LRRC1: variants seen among roughly 807,000 people sequenced by gnomAD.
LRRC1 encodes leucine rich repeat containing 1.
Under a neutral mutation model 69.9 loss-of-function variants are expected in LRRC1, and 28 were observed. The ratio of observed to expected loss-of-function variants is 0.40; its 90% confidence interval spans 0.30 to 0.55. The LOEUF is 0.55. Among genes scored for constraint, LRRC1 ranks in the 20% least tolerant of loss-of-function variants. The pLI, the probability that LRRC1 is intolerant of heterozygous loss-of-function variation, is 0.47. For missense variants in LRRC1, 498 were observed against 609.0 expected (o/e 0.82, Z 1.92); for synonymous variants, 236 against 240.2 (o/e 0.98, Z 0.16).
At chr6:53,847,527 T>G in intron 2 of LRRC1, among the ~76,000 whole-genome samples, 1 of 152,238 alleles carries the variant, frequency 6.6e-6, no homozygotes, top group African/African-American at 2.4e-5. Context: ...TTTCATCAAC[T>G]TGAGTTAACA....
chr6:53,873,273 A>T (rs1766954439), intron 2 of LRRC1, among the ~76,000 whole-genome samples: 1 of 148,730 alleles, frequency 6.7e-6, no homozygotes, highest in Non-Finnish European at 1.5e-5. Context: ...GGTGTATAGA[A>T]GTGCTACCGA....
At chr6:53,898,658 A>T (rs1024900356) in intron 7 of LRRC1, among the ~76,000 whole-genome samples, 2 of 152,220 alleles carry the variant, frequency 1.3e-5, no homozygotes, top group African/African-American at 2.4e-5. Flanking sequence ...TTCAATGATG[A>T]TGGAAAGAGA....
intron 2 of LRRC1, among the ~76,000 whole-genome samples, chr6:53,855,416 C>A (rs1215463608): frequency 6.6e-6 from 1 of 152,202 alleles, no homozygotes; most frequent in Admixed American, 6.5e-5. Flanking sequence ...GTGCCAGTAA[C>A]TCAACACAGG....
intron 4 of LRRC1, among the ~76,000 whole-genome samples, chr6:53,892,389 G>A (rs1581904106): frequency 6.6e-6 from 1 of 152,080 alleles, no homozygotes; most frequent in Non-Finnish European, 1.5e-5. Context: ...ATTCTTTCTC[G>A]TATCTCTGTA....
chr6:53,827,558 A>G (rs1190674649), intron 1 of LRRC1, among the ~76,000 whole-genome samples: 1 of 152,196 alleles, frequency 6.6e-6, no homozygotes, highest in Non-Finnish European at 1.5e-5. Flanking sequence ...TTGAGGATGA[A>G]TAAAATGCTG....
rs1562064578 is a variant in LRRC1, at chr6:53,896,484, CT to C, written c.447-13del. 3.7e-6 allele frequency: 6 copies of C among 1,608,256 alleles called. No homozygotes were observed. Among genetic ancestry groups the C allele is most frequent in the Non-Finnish European group, 5.1e-6 (6 of 1,175,882 alleles). ...ATTTCTCTTATGCTTTTTTTTCCTT[CT>C]GTTCATTTCTAGTCTTTATAACCTG... is the stretch of plus-strand genomic sequence containing the variant. On this transcript the variant is annotated splice_polypyrimidine_tract_variant and intron_variant, in intron 4 of 13. Coordinates refer to ENST00000370888, the MANE Select transcript of LRRC1 (RefSeq NM_018214.5).
At chr6:53,886,440 G>C (rs1767482601) in intron 4 of LRRC1, among the ~76,000 whole-genome samples, 1 of 152,146 alleles carries the variant, frequency 6.6e-6, no homozygotes, top group South Asian at 2.1e-4. Context: ...CAGTTATAAT[G>C]GTGGTGGGTT....
chr6:53,831,102 T>TATATTTAGAATATGTTAGA (rs539773827), intron 1 of LRRC1, among the ~76,000 whole-genome samples: 16 of 152,040 alleles, frequency 1.1e-4, no homozygotes, highest in African/African-American at 3.9e-4. Context: ...TTAGCTTATG[T>TATATTTAGAATATGTTAGA]ATATTTAGAA....
chr6:53,795,065 G>A lies in LRRC1; in HGVS notation c.-192G>A, dbSNP rs1373223627. On this transcript the variant is annotated 5_prime_UTR_variant, in exon 1 of 14. Transcript: ENST00000370888. ...GGCTGGCGGGCGGGGGTACAGGGAC[G>A]GGGCAGGGGCTCCCGCTCCAGGTTC... The A allele has an allele frequency of 6.8e-5, 33 of 483,236 alleles. No individual in the cohort carries two copies. The highest frequency in any genetic ancestry group is 9.7e-5 in the Non-Finnish European group (27 of 279,086). The allele number at this position is 483,236 out of a possible 1,614,324, so 29.9% of individuals were successfully genotyped here. A position where few individuals can be genotyped will look rare whatever the true frequency, so the allele number is the denominator to read the frequency against.
intron 2 of LRRC1, among the ~76,000 whole-genome samples, chr6:53,850,400 G>A (rs1051721021): frequency 7.9e-5 from 12 of 152,310 alleles, no homozygotes; most frequent in East Asian, 7.7e-4. Context: ...GTCATTTGTC[G>A]TTTGTTAGAA....
At position 53,839,708 on chromosome 6, in the gene LRRC1, G is replaced by GT. The variant is rs1304981268; in HGVS notation, c.160-2398dup. ...CAATATTGACATAACATAAATTTTG[G>GT]TTTTACCAATATAGATATTATAATG... On this transcript the variant is annotated intron_variant, in intron 1 of 13. Coordinates refer to ENST00000370888, the MANE Select transcript of LRRC1 (RefSeq NM_018214.5). Among the ~76,000 whole-genome samples, 3 of 152,048 alleles carry GT rather than the reference G, an allele frequency of 2.0e-5. No homozygotes were observed. The East Asian group carries it at 5.8e-4, about 29-fold the overall frequency.
chr6:53,896,753 G>A, intron 5 of LRRC1, 76 bp from the exon 6 acceptor site: 1 of 1,021,118 alleles, frequency 9.8e-7, no homozygotes, highest in Non-Finnish European at 1.5e-6. Flanking sequence ...TTTGAAGCTA[G>A]TCCAAGTGAG....
chr6:53,842,259 G>C, intron 2 of LRRC1, 32 bp downstream of exon 2: 1 of 1,470,866 alleles, frequency 6.8e-7, no homozygotes, highest in Non-Finnish European at 9.5e-7. Flanking sequence ...TTGCCTATTT[G>C]TCTCTTCAGA....
At chr6:53,862,942 G>A (rs1460496126) in intron 2 of LRRC1, among the ~76,000 whole-genome samples, 1 of 152,198 alleles carries the variant, frequency 6.6e-6, no homozygotes, top group Non-Finnish European at 1.5e-5. Context: ...GCAGGATTGA[G>A]TCAGGCAGCC....
rs1284189914 is a variant in LRRC1 at position 53,849,141 on chromosome 6, T to C, written c.277+6914T>C. Among the ~76,000 whole-genome samples, 5 of 151,900 alleles carry C rather than the reference T, an allele frequency of 3.3e-5. No individual in the cohort carries two copies. The East Asian group carries it at 9.6e-4, about 29-fold the overall frequency. On this transcript the variant is annotated intron_variant, in intron 2 of 13. Transcript: ENST00000370888. ...GAACAACACCTTTGAATATGTTTTT[T>C]AAGTCAACAAGTTCTTCATTCAGTT...
intron 2 of LRRC1, among the ~76,000 whole-genome samples, chr6:53,867,274 C>G (rs929584782): frequency 6.6e-6 from 1 of 152,078 alleles, no homozygotes; most frequent in Non-Finnish European, 1.5e-5. Context: ...CAGTAAAGTT[C>G]TGCCGCTGCA....
chr6:53,870,117 G>T (rs1052650110), intron 2 of LRRC1, among the ~76,000 whole-genome samples: 1 of 152,130 alleles, frequency 6.6e-6, no homozygotes, highest in African/African-American at 2.4e-5. Context: ...CTGTAAACCG[G>T]ACCTCTAGGT....
Position 53,902,644 on chromosome 6 carries a change from T to A in LRRC1, c.803T>A (p.Leu268Gln). ...IPDGIGKLKK[L>Q]SILKVDQNRL... is the part of the protein sequence containing the mutation. ...GCTTTTACAGGAAAACTAAAGAAAC[T>A]GTCAATCTTGAAGGTGGATCAGAAT... The change falls in exon 9 of 14, where the codon CTG becomes CAG. Residue 268 changes from leucine (L) to glutamine (Q), a missense_variant. Around this residue, in one of 3 missense-constraint regions of LRRC1, gnomAD observed 266 missense variants for 383.9 expected, o/e 0.69. Coordinates refer to ENST00000370888, the MANE Select transcript of LRRC1 (RefSeq NM_018214.5). 6.3e-7 allele frequency: 1 copy of A among 1,593,282 alleles called. No homozygotes were observed. The highest frequency in any genetic ancestry group is 8.5e-7 in the Non-Finnish European group (1 of 1,171,180).
chr6:53,876,692 C>T (rs182367184), intron 2 of LRRC1, among the ~76,000 whole-genome samples: 1 of 152,298 alleles, frequency 6.6e-6, no homozygotes, highest in East Asian at 1.9e-4. Flanking sequence ...TCTTAAAGCT[C>T]CAAAATGATC....
Sources: gnomAD v4.1 joint callset for allele counts (sites outside exome capture counted in the v4.1 genomes callset) on GRCh38, gnomAD v4.1.1 for gene constraint, gnomAD v4.1.1 regional missense constraint, MANE v1.5 for transcripts, NCBI Gene and HGNC (gene_info 2026-07-23, HGNC 2026-07-21) for gene names.